Variants in SLC25A36 observed in about 807,000 individuals in gnomAD.
SLC25A36 encodes solute carrier family 25 member 36.
SLC25A36 carries 24 observed loss-of-function variants against 35.3 expected under a neutral mutation model. The observed-to-expected ratio is 0.68, with a 90% CI of 0.49 to 0.96. The LOEUF (loss-of-function observed/expected upper bound fraction) is 0.96. SLC25A36 is among the 40% of genes least tolerant of loss of function. The pLI is 0.00. For missense variants in SLC25A36, 294 were observed against 381.1 expected (o/e 0.77, Z 1.90); for synonymous variants, 141 against 132.2 (o/e 1.07, Z -0.46).
In SLC25A36 at chr3:140,970,956, A is replaced by G. The variant is rs1242125273; in HGVS notation, c.415A>G (p.Ile139Val). ...TACTGCAATCACAGCAACCAACCCC[A>G]TTTGGCTTATAAAGACTCGGTTACA... ...GFTAITATNP[I>V]WLIKTRLQLD... The change falls in exon 5 of 7, where the codon ATT becomes GTT. Residue 139 changes from isoleucine (I) to valine (V), a missense_variant. Ile to Val is a conservative substitution (Grantham distance 29, BLOSUM62 3). Transcript: ENST00000324194. 5.9e-6 allele frequency: 9 copies of G among 1,533,416 alleles called. No homozygotes were observed. Among genetic ancestry groups the G allele is most frequent in the South Asian group, 2.2e-5 (2 of 88,936 alleles). 95.0% of individuals were successfully genotyped at this position (1,533,416 alleles called of 1,614,324 possible).
At position 140,941,938 on chromosome 3, in the gene SLC25A36, T is replaced by A; in HGVS notation, c.-117T>A. The A allele has an allele frequency of 1.7e-6, 1 of 605,558 alleles. No homozygotes were observed. Among genetic ancestry groups the A allele is most frequent in the Non-Finnish European group, 2.8e-6 (1 of 356,008 alleles). The allele number at this position is 605,558 out of a possible 1,614,324, so 37.5% of individuals were successfully genotyped here. On this transcript the variant is annotated 5_prime_UTR_variant, in exon 1 of 7. Coordinates refer to ENST00000324194, the MANE Select transcript of SLC25A36 (RefSeq NM_001104647.3). ...TTTCTGCAGCCGCATCTCGGCCAGC[T>A]CTCCTCGCCGTCCCCGGGGCGCTGT...
rs1466187803 is a variant in SLC25A36, at chr3:140,963,246, A to T, written c.385+19A>T. ...ATGGCAGGTATGAATGTATAATATTAAAAAAAAAAAAAACTTTCTGAAACC... is the reference window on the plus strand; with the variant it reads ...ATGGCAGGTATGAATGTATAATATTTAAAAAAAAAAAAACTTTCTGAAACC... On this transcript the variant is annotated intron_variant, in intron 4 of 6. Coordinates refer to ENST00000324194, the MANE Select transcript of SLC25A36 (RefSeq NM_001104647.3). The T allele has an allele frequency of 5.8e-6, 4 of 686,434 alleles. No individual in the cohort carries two copies. The highest frequency in any genetic ancestry group is 3.5e-4 in the Middle Eastern group (1 of 2,818). 42.5% of individuals were successfully genotyped at this position (686,434 alleles called of 1,614,324 possible). A position where few individuals can be genotyped will look rare whatever the true frequency, so the allele number is the denominator to read the frequency against.
At chr3:140,960,778 A>T (rs1286650680) in intron 3 of SLC25A36, among the ~76,000 whole-genome samples, 3 of 149,820 alleles carry the variant, frequency 2.0e-5, no homozygotes, top group Non-Finnish European at 4.4e-5. Context: ...ATTGTGAAGT[A>T]GTTTTTAAAA....
At chr3:140,949,847 A>G (rs1170501961) in intron 1 of SLC25A36, among the ~76,000 whole-genome samples, 1 of 152,256 alleles carries the variant, frequency 6.6e-6, no homozygotes, top group African/African-American at 2.4e-5. Context: ...TAAAAATAGT[A>G]AAGCATCCAA....
intron 4 of SLC25A36, chr3:140,966,242 TA>T (rs1055851600): frequency 4.2e-5 from 7 of 165,742 alleles, no homozygotes; most frequent in African/African-American, 1.7e-4. Flanking sequence ...AAATATTTTT[TA>T]AAAATATTTT....
At chr3:140,967,949 A>G (rs1934804803) in intron 4 of SLC25A36, 1 of 983,364 alleles carries the variant, frequency 1.0e-6, no homozygotes, top group Non-Finnish European at 1.2e-6. Flanking sequence ...AATTATGAAA[A>G]TGTCACAAAA....
intron 1 of SLC25A36, among the ~76,000 whole-genome samples, chr3:140,951,765 G>A (rs1380939023): frequency 6.6e-6 from 1 of 152,074 alleles, no homozygotes; most frequent in Non-Finnish European, 1.5e-5. Context: ...AAAGTCCTAG[G>A]TTTACAGGTG....
At position 140,979,274 on chromosome 3, in the gene SLC25A36, C is replaced by G. The variant is rs542922224; in HGVS notation, c.*2821C>G. ...TGGGTTGGTAAAAATAATGTTTGCT[C>G]TATTACTGGGTTACAGACATTTCAG... On this transcript the variant is annotated 3_prime_UTR_variant, in exon 7 of 7. Transcript: ENST00000324194. The G allele has an allele frequency of 1.3e-4, 20 of 152,242 alleles. No homozygotes were observed. The highest frequency in any genetic ancestry group is 3.4e-4 in the African/African-American group (14 of 41,562). The allele number at this position is 152,242 out of a possible 1,614,324, so 9.4% of individuals were successfully genotyped here.
chr3:140,972,125 C>T (rs72991053), intron 5 of SLC25A36, among the ~76,000 whole-genome samples: 4,162 of 152,184 alleles, frequency 0.027, 185 homozygotes, highest in African/African-American at 0.096. Flanking sequence ...AGACTTATTC[C>T]AAAGATTAGA....
intron 5 of SLC25A36, chr3:140,973,314 C>T (rs1934953558): frequency 6.5e-6 from 1 of 152,916 alleles, no homozygotes; most frequent in Non-Finnish European, 1.5e-5. Context: ...ATTTATGTTA[C>T]TAAATGCAAA....
Position 140,941,923 on chromosome 3 carries a change from C to T in SLC25A36, c.-132C>T. The T allele has an allele frequency of 3.5e-6, 2 of 578,010 alleles. No individual in the cohort carries two copies. The highest frequency in any genetic ancestry group is 6.0e-6 in the Non-Finnish European group (2 of 334,870). 35.8% of individuals were successfully genotyped at this position (578,010 alleles called of 1,614,324 possible). A position where few individuals can be genotyped will look rare whatever the true frequency, so the allele number is the denominator to read the frequency against. On this transcript the variant is annotated 5_prime_UTR_variant, in exon 1 of 7. Transcript: ENST00000324194. ...GGCTGTGCCGGTTGCTTTCTGCAGC[C>T]GCATCTCGGCCAGCTCTCCTCGCCG...
At chr3:140,956,893 T>C (rs2107793785) in intron 2 of SLC25A36, 2 of 854,396 alleles carry the variant, frequency 2.3e-6, no homozygotes, top group Non-Finnish European at 3.1e-6. Flanking sequence ...TAATTTTACT[T>C]CCAAATCATG....
chr3:140,959,373 C>A, intron 2 of SLC25A36, 90 bp from the exon 3 acceptor site: 2 of 759,382 alleles, frequency 2.6e-6, no homozygotes, highest in Non-Finnish European at 4.1e-6. Flanking sequence ...TACAAATGTA[C>A]TGGATTTAGA....
intron 3 of SLC25A36, among the ~76,000 whole-genome samples, chr3:140,960,769 T>C (rs1216664628): frequency 6.6e-6 from 1 of 151,054 alleles, no homozygotes; most frequent in Non-Finnish European, 1.5e-5. Context: ...AGTAAGACCA[T>C]TGTGAAGTAG....
intron 1 of SLC25A36, among the ~76,000 whole-genome samples, chr3:140,952,190 G>T (rs1200037766): frequency 6.6e-6 from 1 of 151,878 alleles, no homozygotes; most frequent in Non-Finnish European, 1.5e-5. Context: ...CTAATTTTTT[G>T]TATTATCAGT....
intron 5 of SLC25A36, among the ~76,000 whole-genome samples, chr3:140,971,204 T>C (rs943769523): frequency 5.3e-5 from 8 of 152,072 alleles, no homozygotes; most frequent in Non-Finnish European, 1.2e-4. Context: ...GTTGTTTTGT[T>C]TTGTTTTGTT....
chr3:140,942,927 C>T (rs1934056740), intron 1 of SLC25A36, among the ~76,000 whole-genome samples: 1 of 152,158 alleles, frequency 6.6e-6, no homozygotes, highest in Non-Finnish European at 1.5e-5. Context: ...GCTTGCTTTT[C>T]TGCTGCTTAG....
At chr3:140,976,065 T>C (rs1297139868) in intron 6 of SLC25A36, among the ~76,000 whole-genome samples, 195 bp from the exon 7 acceptor site, 1 of 152,208 alleles carries the variant, frequency 6.6e-6, no homozygotes, top group Non-Finnish European at 1.5e-5. Context: ...AGTCTATAAT[T>C]AATGTACATG....
At chr3:140,946,924 T>G (rs1193002906) in intron 1 of SLC25A36, among the ~76,000 whole-genome samples, 1 of 152,074 alleles carries the variant, frequency 6.6e-6, no homozygotes, top group Non-Finnish European at 1.5e-5. Context: ...ATGAGCCTAG[T>G]TGAGATCACT....
Sources: allele counts gnomAD v4.1 joint callset (sites outside exome capture counted in the v4.1 genomes callset), GRCh38; gene constraint gnomAD v4.1.1; transcripts MANE v1.5; gene names NCBI Gene and HGNC (gene_info 2026-07-23, HGNC 2026-07-21).